TBC1D22A: variants seen among roughly 807,000 people sequenced by gnomAD.
TBC1D22A encodes the protein putative GTPase activator.
TBC1D22A carries 38 observed loss-of-function variants against 60.2 expected under a neutral mutation model. The ratio of observed to expected loss-of-function variants is 0.63; its 90% confidence interval spans 0.49 to 0.83. The LOEUF is 0.83. Ranked by LOEUF, TBC1D22A falls within the 40% of genes least tolerant of loss-of-function variation. TBC1D22A has a pLI of 0.00. For missense variants in TBC1D22A, 628 were observed against 701.0 expected, an observed-to-expected ratio of 0.90 and a Z score of 1.18; for synonymous variants, 302 against 281.7, an observed-to-expected ratio of 1.07 and a Z score of -0.72.
At chr22:46,790,182 G>T (rs1009879032) in intron 1 of TBC1D22A, among the ~76,000 whole-genome samples, 1 of 152,352 alleles carries the variant, frequency 6.6e-6, no homozygotes, top group East Asian at 1.9e-4. Flanking sequence ...AGGGGAGAGC[G>T]TTTTCCCTGC....
chr22:47,076,359 G>GTATATATATATATATATA (rs1375339824), intron 11 of TBC1D22A, among the ~76,000 whole-genome samples: 2 of 85,170 alleles, frequency 2.3e-5, no homozygotes, highest in African/African-American at 8.6e-5. Context: ...ATATATGTGT[G>GTATATATATATATATATA]TGTATATATA....
chr22:46,853,431 C>T (rs527927752), intron 4 of TBC1D22A, among the ~76,000 whole-genome samples: 18 of 152,208 alleles, frequency 1.2e-4, no homozygotes, highest in Admixed American at 2.0e-4. Context: ...ATGTCCTTTA[C>T]GTGAGGGTAG....
At chr22:47,098,265 C>A (rs1408160113) in intron 11 of TBC1D22A, among the ~76,000 whole-genome samples, 2 of 152,296 alleles carry the variant, frequency 1.3e-5, no homozygotes, top group African/African-American at 4.8e-5. Context: ...ACCTCCAGAA[C>A]CCCCTGTCCC....
intron 4 of TBC1D22A, among the ~76,000 whole-genome samples, chr22:46,872,756 G>T (rs1405255288): frequency 1.3e-5 from 2 of 152,130 alleles, no homozygotes; most frequent in Non-Finnish European, 2.9e-5. Flanking sequence ...GGAGAGGAGG[G>T]AATTGTATAG....
chr22:46,886,343 T>C (rs1223201635), intron 5 of TBC1D22A, among the ~76,000 whole-genome samples: 3 of 152,232 alleles, frequency 2.0e-5, no homozygotes, highest in Admixed American at 2.0e-4. Flanking sequence ...CGAGTGCATC[T>C]TGGCAGCTAG....
chr22:46,895,675 C>G (rs2068636898), intron 7 of TBC1D22A, among the ~76,000 whole-genome samples: 1 of 152,156 alleles, frequency 6.6e-6, no homozygotes, highest in South Asian at 2.1e-4. Context: ...CCCGGCGTCT[C>G]TCATTGTTTT....
chr22:47,031,650 G>A (rs1366826311), intron 10 of TBC1D22A, among the ~76,000 whole-genome samples: 1 of 152,200 alleles, frequency 6.6e-6, no homozygotes, highest in Non-Finnish European at 1.5e-5. Context: ...GGACAGAGTG[G>A]TGGCAATCCT....
At chr22:46,806,889 G>A (rs2085166066) in intron 4 of TBC1D22A, among the ~76,000 whole-genome samples, 1 of 152,226 alleles carries the variant, frequency 6.6e-6, no homozygotes, top group Non-Finnish European at 1.5e-5. Context: ...ATGGAATTGG[G>A]TTTGCTGATA....
rs561383982 is a variant in TBC1D22A, at chr22:46,993,130, C to G, written c.1126-4504C>G. Among the ~76,000 whole-genome samples, 5 of 152,308 alleles carry G rather than the reference C, an allele frequency of 3.3e-5. No homozygotes were observed. The South Asian group carries it at 8.3e-4, about 25-fold the overall frequency. On this transcript the variant is annotated intron_variant, in intron 9 of 12. Transcript: ENST00000337137. ...TGGCAGGTTTGACTCTGGGTACTTC[C>G]AGGTGAGCTGATAGGAATTTATATT...
At chr22:47,094,827 C>G (rs568962142) in intron 11 of TBC1D22A, among the ~76,000 whole-genome samples, 2 of 152,092 alleles carry the variant, frequency 1.3e-5, no homozygotes, top group African/African-American at 4.8e-5. Flanking sequence ...GATCAGCCCC[C>G]GAGGCTGTAG....
intron 12 of TBC1D22A, among the ~76,000 whole-genome samples, chr22:47,154,662 G>A (rs150903310): frequency 6.2e-4 from 94 of 152,314 alleles, no homozygotes; most frequent in African/African-American, 2.0e-3. Context: ...CAATGTGCCC[G>A]GAGCTGTCCG....
At chr22:47,167,396 G>A (rs1236013574) in intron 12 of TBC1D22A, among the ~76,000 whole-genome samples, 5 of 152,198 alleles carry the variant, frequency 3.3e-5, no homozygotes, top group Admixed American at 3.3e-4. Context: ...CACTCCAGCG[G>A]TTCACCAAGT....
In TBC1D22A at chr22:46,963,446, T is replaced by C. The variant is rs548966689; in HGVS notation, c.1016-10844T>C. 1.6e-4 allele frequency among the ~76,000 whole-genome samples: 19 copies of C among 116,510 alleles called. No homozygotes were observed. In the South Asian group the frequency reaches 2.9e-3, roughly 18 times the overall value. The allele number at this position is 116,510 out of a possible 152,430, so 76.4% of individuals were successfully genotyped here. ...CCTCCACGATTGTGTGGTGTTCTGC[T>C]TTCTCCCGGCCAAGTGTATTGGCTC... On this transcript the variant is annotated intron_variant, in intron 8 of 12. Transcript: ENST00000337137.
intron 4 of TBC1D22A, among the ~76,000 whole-genome samples, chr22:46,857,792 C>A (rs1240240884): frequency 6.6e-6 from 1 of 152,152 alleles, no homozygotes; most frequent in African/African-American, 2.4e-5. Flanking sequence ...CAAGGCTCAT[C>A]CGGGTTGGAG....
At position 47,061,837 on chromosome 22, in the gene TBC1D22A, C is replaced by T. The variant is rs373707139; in HGVS notation, c.1329+24639C>T. Reference sequence around the variant, plus strand: ...GTGTGGTGGCTCATGCCTGTAATCCCGGCACTTTGGGAGGCTGAGGCCAGC... The same window carrying T: ...GTGTGGTGGCTCATGCCTGTAATCCTGGCACTTTGGGAGGCTGAGGCCAGC... On this transcript the variant is annotated intron_variant, in intron 11 of 12. Coordinates refer to ENST00000337137, the MANE Select transcript of TBC1D22A (RefSeq NM_014346.5). Among the ~76,000 whole-genome samples, 9 of 152,200 alleles carry T rather than the reference C, an allele frequency of 5.9e-5. No homozygotes were observed. In the South Asian group the frequency reaches 8.3e-4, roughly 14 times the overall value.
rs1461037209 is a variant in TBC1D22A at position 47,028,134 on chromosome 22, C to T, written c.1202-8937C>T. Reference sequence around the variant, plus strand: ...ATTTAATACCTTGTTGCTTCAGTGCCATGTAGCTCTAGAAGAAGTTGTATT... The same window carrying T: ...ATTTAATACCTTGTTGCTTCAGTGCTATGTAGCTCTAGAAGAAGTTGTATT... On this transcript the variant is annotated intron_variant, in intron 10 of 12. Transcript: ENST00000337137. This position sits in a 1 kb window ranked among gnomAD's most constrained non-coding sequence, Gnocchi z 4.4. 6.6e-6 allele frequency among the ~76,000 whole-genome samples: 1 copy of T among 152,176 alleles called. No homozygotes were observed. The highest frequency in any genetic ancestry group is 1.5e-5 in the Non-Finnish European group (1 of 68,042).
chr22:46,891,844 C>T (rs2068425510), intron 6 of TBC1D22A, among the ~76,000 whole-genome samples: 1 of 152,144 alleles, frequency 6.6e-6, no homozygotes, highest in Non-Finnish European at 1.5e-5. Context: ...GGATGTGATA[C>T]CGACCCAGGA....
intron 5 of TBC1D22A, among the ~76,000 whole-genome samples, chr22:46,884,763 C>G (rs952889658): frequency 3.6e-4 from 55 of 152,222 alleles, no homozygotes; most frequent in African/African-American, 1.3e-3. Context: ...TTTGCTGACC[C>G]CTGATCTAGA....
chr22:47,115,710 T>A (rs2066017331), intron 12 of TBC1D22A: 1 of 152,224 alleles, frequency 6.6e-6, no homozygotes, highest in African/African-American at 2.4e-5. Context: ...CCCTGCTGAT[T>A]GGGCCTGCAG....
Sources: allele counts gnomAD v4.1 joint callset (sites outside exome capture counted in the v4.1 genomes callset), GRCh38; gene constraint gnomAD v4.1.1; non-coding constraint Gnocchi (gnomAD v3.1); transcripts MANE v1.5; gene names NCBI Gene and HGNC (gene_info 2026-07-23, HGNC 2026-07-21).